APBB1: variants seen among roughly 807,000 people sequenced by gnomAD.
APBB1 encodes adaptor protein FE65a2.
A neutral mutation model predicts 78.4 loss-of-function variants in APBB1; 22 were observed. The observed-to-expected ratio is 0.28, with a 90% CI of 0.20 to 0.40. The LOEUF is 0.40. Ranked by LOEUF, APBB1 falls within the 10% of genes least tolerant of loss-of-function variation. APBB1 has a pLI of 1.00. For synonymous variants in APBB1, 369 were observed against 372.7 expected (o/e 0.99, Z 0.12); for missense variants, 749 against 932.4 (o/e 0.80, Z 2.56).
At chr11:6,398,646 C>T (rs1017820074) in intron 12 of APBB1, among the ~76,000 whole-genome samples, 1 of 152,124 alleles carries the variant, frequency 6.6e-6, no homozygotes, top group Non-Finnish European at 1.5e-5. Context: ...AAGTTGAGGA[C>T]GAGAAGGAGG....
At chr11:6,408,520 T>G (rs1311228043) in intron 2 of APBB1, among the ~76,000 whole-genome samples, 3 of 151,854 alleles carry the variant, frequency 2.0e-5, no homozygotes, top group Non-Finnish European at 4.4e-5. Context: ...TTTTTTTTTT[T>G]TGAGAAGGAG....
rs146847312 is a variant in APBB1 at position 6,410,889 on chromosome 11, C to T, written c.459G>A (p.Ala153=). ...EQGPDEGEEK[A]AGEAEEEEED... is the part of the protein sequence containing the mutation. ...CCTCCTCCTCCTCGGCCTCCCCGGC[C>T]GCCTTCTCCTCTCCCTCATCTGGCC... is the stretch of plus-strand genomic sequence containing the variant. The change falls in exon 2 of 15, where the codon GCG becomes GCA. Residue 153 remains alanine, a synonymous_variant. Coordinates refer to ENST00000609360, the MANE Select transcript of APBB1 (RefSeq NM_001164.5). The T allele has an allele frequency of 5.6e-6, 9 of 1,614,014 alleles. No individual in the cohort carries two copies. The African/African-American group carries it at 6.7e-5, about 12-fold the overall frequency.
chr11:6,402,673 G>C lies in APBB1; in HGVS notation c.1157C>G (p.Ala386Gly), dbSNP rs757999243. Residue 386 changes from alanine to glycine, a missense_variant, in exon 7 of 15, where the codon GCC (alanine) becomes GGC (glycine). Coordinates refer to ENST00000609360, the MANE Select transcript of APBB1 (RefSeq NM_001164.5). ...GACTGCCACACTGCTGCGTCCAGGGGCCAGCTCCTCCTCGGTCATCTCTAC... is the reference window on the plus strand; with the variant it reads ...GACTGCCACACTGCTGCGTCCAGGGCCCAGCTCCTCCTCGGTCATCTCTAC... ...GWVEMTEEEL[A>G]PGRSSVAVNN... 8 of 1,614,158 alleles carry C rather than the reference G, an allele frequency of 5.0e-6. No individual in the cohort carries two copies. The highest frequency in any genetic ancestry group is 6.8e-6 in the Non-Finnish European group (8 of 1,180,036).
At chr11:6,405,379 C>T (rs1432045369) in intron 2 of APBB1, 2 of 987,288 alleles carry the variant, frequency 2.0e-6, no homozygotes, top group Non-Finnish European at 2.4e-6. Context: ...CCACCCCCCA[C>T]CCCTCACCTG....
Position 6,410,711 on chromosome 11 carries a change from G to C in APBB1, c.637C>G (p.Arg213Gly). 2 of 1,550,968 alleles carry C rather than the reference G, an allele frequency of 1.3e-6. No homozygotes were observed. Among genetic ancestry groups the C allele is most frequent in the Non-Finnish European group, 8.7e-7 (1 of 1,149,056 alleles). ...SKSASLLFGM[R>G]NSAASDEDSS... The stretch of plus-strand genomic sequence containing the variant: ...TCCTCATCACTGGCTGCACTGTTCC[G>C]CATGCCAAACAGGAGGCTGGCACTC... Residue 213 changes from arginine (R) to glycine (G), a missense_variant, in exon 2 of 15, where the codon CGG becomes GGG. Physicochemically the swap from Arg to Gly is moderately radical, Grantham distance 125. Transcript: ENST00000609360.
At chr11:6,416,132 G>C (rs1022831167) in intron 1 of APBB1, among the ~76,000 whole-genome samples, 1 of 152,162 alleles carries the variant, frequency 6.6e-6, no homozygotes, top group Non-Finnish European at 1.5e-5. Context: ...CCTCCCAGCA[G>C]CATCTGACCC....
intron 1 of APBB1, among the ~76,000 whole-genome samples, chr11:6,413,684 T>G (rs1308462023): frequency 6.6e-6 from 1 of 152,032 alleles, no homozygotes; most frequent in South Asian, 2.1e-4. Context: ...TTGGCCAGGC[T>G]GGTCTCAAAC....
At chr11:6,405,267 T>C (rs1848752073) in intron 2 of APBB1, 9 of 1,001,162 alleles carry the variant, frequency 9.0e-6, no homozygotes, top group African/African-American at 1.7e-5. Context: ...CCTTCAGGGA[T>C]CCCGCCCCTG....
In APBB1 at chr11:6,403,070, C is replaced by T; in HGVS notation, c.1104+75G>A. 2 of 1,419,312 alleles carry T rather than the reference C, an allele frequency of 1.4e-6. No homozygotes were observed. Among genetic ancestry groups the T allele is most frequent in the East Asian group, 4.6e-5 (2 of 43,700 alleles). 87.9% of individuals were successfully genotyped at this position (1,419,312 alleles called of 1,614,324 possible). On this transcript the variant is annotated intron_variant, in intron 6 of 14. Transcript: ENST00000609360. The surrounding 1 kb of genome is among the most constrained non-coding windows in gnomAD (Gnocchi z 5.3). ...CCTGGGGAACTGCGCTGAGACCCCT[C>T]AGAGCACAACATTAGGGGCTGTCTG... is the stretch of plus-strand genomic sequence containing the variant.
rs368906521 is a variant in APBB1 at position 6,414,210 on chromosome 11, GC to G, written c.-14-2850del. Among the ~76,000 whole-genome samples, 21 of 152,248 alleles carry G rather than the reference GC, an allele frequency of 1.4e-4. No homozygotes were observed. The East Asian group carries it at 3.9e-3, about 28-fold the overall frequency. On this transcript the variant is annotated intron_variant, in intron 1 of 14. Coordinates refer to ENST00000609360, the MANE Select transcript of APBB1 (RefSeq NM_001164.5). ...CTGAAACATGTCGCACACTCTTAAA[GC>G]CCTGGGTCTTTGTTTATACTGCTCC... is the stretch of plus-strand genomic sequence containing the variant.
Position 6,402,307 on chromosome 11 carries a change from G to GC in APBB1, c.1255-99dup, listed in dbSNP as rs368152799. 6.6e-5 allele frequency: 101 copies of GC among 1,537,966 alleles called. No homozygotes were observed. In the African/African-American group the frequency reaches 1.3e-3, roughly 20 times the overall value. ...AGGGGATGTTAGCCACAGCTCTGGG[G>GC]CCCCTGCTTTGGTGTCAGACCGCCC... On this transcript the variant is annotated intron_variant, in intron 7 of 14. Coordinates refer to ENST00000609360, the MANE Select transcript of APBB1 (RefSeq NM_001164.5).
intron 2 of APBB1, chr11:6,405,096 C>T (rs761185760): frequency 1.5e-5 from 20 of 1,361,902 alleles, no homozygotes; most frequent in Non-Finnish European, 1.9e-5. Flanking sequence ...CTCCCCTCCC[C>T]CAATCCTGAA....
Position 6,419,001 on chromosome 11 carries a change from C to G in APBB1, c.-31G>C, listed in dbSNP as rs989397023. 1.8e-5 allele frequency: 7 copies of G among 392,762 alleles called. No homozygotes were observed. The highest frequency in any genetic ancestry group is 3.1e-5 in the Non-Finnish European group (7 of 222,264). 24.3% of individuals were successfully genotyped at this position (392,762 alleles called of 1,614,324 possible). On this transcript the variant is annotated 5_prime_UTR_variant, in exon 1 of 15. Coordinates refer to ENST00000609360, the MANE Select transcript of APBB1 (RefSeq NM_001164.5). Reference sequence around the variant, plus strand: ...ACCTCCTACCTGCGCGGTGAGGCCCCGGGCCCAGATGACGGAGGTGGCTCA... The same window carrying G: ...ACCTCCTACCTGCGCGGTGAGGCCCGGGGCCCAGATGACGGAGGTGGCTCA...
chr11:6,410,005 G>C (rs549819887), intron 2 of APBB1, among the ~76,000 whole-genome samples: 1 of 152,010 alleles, frequency 6.6e-6, no homozygotes, highest in Non-Finnish European at 1.5e-5. Flanking sequence ...AGACCTCTGT[G>C]GGGAGCTGCT....
At chr11:6,402,289 G>A (rs1184781903) in intron 7 of APBB1, 80 bp from the exon 8 acceptor site, 2 of 1,567,754 alleles carry the variant, frequency 1.3e-6, no homozygotes, top group Non-Finnish European at 1.7e-6. Flanking sequence ...CTCAGGGGAT[G>A]TTAGCCACAG....
intron 1 of APBB1, among the ~76,000 whole-genome samples, chr11:6,415,118 A>G (rs1849087204): frequency 6.6e-6 from 1 of 152,330 alleles, no homozygotes; most frequent in Middle Eastern, 3.4e-3. Context: ...AGATGATCTC[A>G]GTCCAATTTT....
chr11:6,406,307 G>A (rs1459088453), intron 2 of APBB1, among the ~76,000 whole-genome samples: 2 of 151,984 alleles, frequency 1.3e-5, no homozygotes, highest in Non-Finnish European at 2.9e-5. Context: ...GAAGCCAGGT[G>A]TACTCACTTG....
chr11:6,405,110 C>A (rs1848744895), intron 2 of APBB1: 1 of 1,340,344 alleles, frequency 7.5e-7, no homozygotes, highest in Admixed American at 3.4e-5. Flanking sequence ...TCCTGAATCT[C>A]CATCCCACCC....
chr11:6,408,040 A>T (rs922870883), intron 2 of APBB1, among the ~76,000 whole-genome samples: 1 of 152,204 alleles, frequency 6.6e-6, no homozygotes, highest in East Asian at 1.9e-4. Flanking sequence ...CGGCCTCCCA[A>T]AGTGCTGGGA....
Sources: allele counts gnomAD v4.1 joint callset (sites outside exome capture counted in the v4.1 genomes callset), GRCh38; gene constraint gnomAD v4.1.1; non-coding constraint Gnocchi (gnomAD v3.1); transcripts MANE v1.5; gene names NCBI Gene and HGNC (gene_info 2026-07-23, HGNC 2026-07-21).